The following F9 variants were observed in gnomAD, a reference collection of about 807,000 sequenced individuals.
F9 encodes Christmas factor.
F9 carries 2 observed loss-of-function variants against 34.1 expected under a neutral mutation model. That is an observed-to-expected ratio of 0.06 (90% CI 0.02 to 0.18). The LOEUF (loss-of-function observed/expected upper bound fraction) is 0.18. Ranked by LOEUF, F9 falls within the 10% of genes least tolerant of loss-of-function variation. The pLI is 1.00. For synonymous variants in F9, 137 were observed against 118.8 expected (o/e 1.15, Z -1.00); for missense variants, 216 against 345.1 (o/e 0.63, Z 2.96).
chrX:139,536,196 T>G (rs186971276), intron 1 of F9, among the ~76,000 whole-genome samples: 50 of 106,855 alleles, frequency 4.7e-4, no homozygotes, highest in African/African-American at 1.6e-3. Context: ...TGTACATATA[T>G]GTATACATAT....
At chrX:139,559,841 C>T (rs978136272) in intron 6 of F9, among the ~76,000 whole-genome samples, 1 of 111,700 alleles carries the variant, frequency 9.0e-6, no homozygotes, top group Non-Finnish European at 1.9e-5. Context: ...TTGAGTGTGC[C>T]CTCTAGTGTT....
In F9 at chrX:139,562,600, T is replaced by G. The variant is rs1928148090; in HGVS notation, c.*529T>G. The G allele has an allele frequency of 8.8e-6, 1 of 113,183 alleles. No individual in the cohort carries two copies. Among genetic ancestry groups the G allele is most frequent in the Admixed American group, 9.2e-5 (1 of 10,915 alleles). 9.3% of individuals were successfully genotyped at this position (113,183 alleles called of 1,213,427 possible). ...TTCCTCTACCCTATTCCTCAATCTT[T>G]TACCTTTTCCAAATCCCAATCCCCA... On this transcript the variant is annotated 3_prime_UTR_variant, in exon 8 of 8. Coordinates refer to ENST00000218099, the MANE Select transcript of F9 (RefSeq NM_000133.4).
Position 139,537,022 on chromosome X carries a change from A to T in F9, c.101A>T (p.His34Leu). Reference protein sequence around the residue: ...LSAECTVFLDHENANKILNRP... With the variant: ...LSAECTVFLDLENANKILNRP... ...TTTTACATTTCAGTTTTTCTTGATC[A>T]TGAAAACGCCAACAAAATTCTGAAT... Residue 34 changes from histidine (H) to leucine (L), a missense_variant, in exon 2 of 8, where the codon CAT becomes CTT. Physicochemically the swap from His to Leu is moderately conservative, Grantham distance 99. Transcript: ENST00000218099. 12 of 1,207,996 alleles carry T rather than the reference A, an allele frequency of 9.9e-6. No homozygotes were observed. The highest frequency in any genetic ancestry group is 1.3e-5 in the Non-Finnish European group (12 of 893,526).
At chrX:139,556,552 A>T (rs1157634871) in intron 6 of F9, among the ~76,000 whole-genome samples, 1 of 112,136 alleles carries the variant, frequency 8.9e-6, no homozygotes, top group Non-Finnish European at 1.9e-5. Flanking sequence ...AGGATGTTAC[A>T]CTAAGGTCTT....
At chrX:139,546,537 T>G (rs1057457266) in intron 4 of F9, among the ~76,000 whole-genome samples, 5 of 111,694 alleles carry the variant, frequency 4.5e-5, no homozygotes, top group Non-Finnish European at 9.4e-5. Flanking sequence ...TTGTGTTCAC[T>G]GAAAAAAATA....
intron 3 of F9, among the ~76,000 whole-genome samples, chrX:139,539,499 G>A (rs889216326): frequency 3.6e-5 from 4 of 112,264 alleles, no homozygotes; most frequent in African/African-American, 1.3e-4. Flanking sequence ...CTATGGCTTT[G>A]CCTGAACCCA....
At chrX:139,533,499 T>C (rs1318511392) in intron 1 of F9, among the ~76,000 whole-genome samples, 1 of 112,457 alleles carries the variant, frequency 8.9e-6, no homozygotes, top group East Asian at 2.8e-4. Context: ...GGCTACATTA[T>C]GATATACAGT....
chrX:139,535,318 C>G (rs1191803377), intron 1 of F9, among the ~76,000 whole-genome samples: 1 of 109,664 alleles, frequency 9.1e-6, no homozygotes, highest in East Asian at 2.9e-4. Context: ...GAGATCGCAC[C>G]ACTGCACTCC....
chrX:139,552,153 C>T (rs1927860945), intron 6 of F9, among the ~76,000 whole-genome samples: 1 of 111,579 alleles, frequency 9.0e-6, no homozygotes, highest in African/African-American at 3.3e-5. Context: ...GTGATCACAC[C>T]ACTGCACTTC....
In F9 at chrX:139,562,763, G is replaced by A. The variant is rs1928152005; in HGVS notation, c.*692G>A. 9.2e-6 allele frequency: 1 copy of A among 108,197 alleles called. No homozygotes were observed. The highest frequency in any genetic ancestry group is 1.0e-4 in the Admixed American group (1 of 9,975). The allele number at this position is 108,197 out of a possible 1,213,427, so 8.9% of individuals were successfully genotyped here. A position where few individuals can be genotyped will look rare whatever the true frequency, so the allele number is the denominator to read the frequency against. On this transcript the variant is annotated 3_prime_UTR_variant, in exon 8 of 8. Coordinates refer to ENST00000218099, the MANE Select transcript of F9 (RefSeq NM_000133.4). ...TCAAACCCAGACTTGCTTCCGTAGT[G>A]GAGACTTGCTTTTCAGAACATAGGG... is the stretch of plus-strand genomic sequence containing the variant.
intron 1 of F9, among the ~76,000 whole-genome samples, chrX:139,532,061 C>A (rs1392690180): frequency 1.8e-5 from 2 of 111,942 alleles, no homozygotes; most frequent in African/African-American, 6.5e-5. Context: ...AAGAGGGCTT[C>A]TGCCCCCTTG....
rs1476095388 is a variant in F9, at chrX:139,557,297, C to G, written c.724-3444C>G. 2.7e-5 allele frequency among the ~76,000 whole-genome samples: 3 copies of G among 112,220 alleles called. No homozygotes were observed. The East Asian group carries it at 8.3e-4, about 31-fold the overall frequency. On this transcript the variant is annotated intron_variant, in intron 6 of 7. Transcript: ENST00000218099. ...CCCCAAATAGCTAATATTTTGATAG[C>G]TATGATCCTGAACGGCCAAACATTC...
At chrX:139,533,993 TA>T (rs993882727) in intron 1 of F9, among the ~76,000 whole-genome samples, 1 of 111,961 alleles carries the variant, frequency 8.9e-6, no homozygotes, top group Admixed American at 9.5e-5. Context: ...GTGATTATTA[TA>T]AAAAGAGTTT....
intron 6 of F9, 116 bp downstream of exon 6, chrX:139,551,380 C>G (rs995619145): frequency 1.5e-6 from 1 of 646,242 alleles, no homozygotes; most frequent in Non-Finnish European, 2.5e-6. Context: ...AGTATTTAGG[C>G]AAGTTTCAGC....
intron 4 of F9, among the ~76,000 whole-genome samples, chrX:139,541,808 C>T (rs1927607297): frequency 8.9e-6 from 1 of 112,148 alleles, no homozygotes; most frequent in South Asian, 3.7e-4. Context: ...AAAAATGTTA[C>T]ATAGCAACCT....
chrX:139,544,196 C>T (rs1474697155), intron 4 of F9, among the ~76,000 whole-genome samples: 2 of 111,799 alleles, frequency 1.8e-5, no homozygotes, highest in South Asian at 3.7e-4. Context: ...CTGCACCTTT[C>T]GTAACTTATC....
At chrX:139,541,561 A>T (rs1281267807) in intron 4 of F9, among the ~76,000 whole-genome samples, 1 of 111,886 alleles carries the variant, frequency 8.9e-6, no homozygotes, top group Non-Finnish European at 1.9e-5. Flanking sequence ...TGTGACCAAA[A>T]CCCATGCTTC....
chrX:139,557,817 C>T (rs4149732), intron 6 of F9, among the ~76,000 whole-genome samples: 2,885 of 112,651 alleles, frequency 0.026, 94 homozygotes, highest in African/African-American at 0.089. Flanking sequence ...TGAGACAGGT[C>T]GTGCATCTGA....
intron 4 of F9, among the ~76,000 whole-genome samples, chrX:139,542,040 T>C (rs1159309962): frequency 2.7e-5 from 3 of 111,472 alleles, no homozygotes; most frequent in Non-Finnish European, 5.7e-5. Flanking sequence ...TAAGGAAGAA[T>C]TTAACACCAC....
Sources: gnomAD v4.1 joint callset for allele counts (sites outside exome capture counted in the v4.1 genomes callset) on GRCh38, gnomAD v4.1.1 for gene constraint, MANE v1.5 for transcripts, NCBI Gene and HGNC (gene_info 2026-07-23, HGNC 2026-07-21) for gene names.